The following OPCML variants were observed in gnomAD, a reference collection of about 807,000 sequenced individuals.
The protein encoded by OPCML is opioid binding protein/cell adhesion molecule like.
OPCML carries 13 observed loss-of-function variants against 37.8 expected under a neutral mutation model. That is an observed-to-expected ratio of 0.34 (90% CI 0.22 to 0.55). The LOEUF is 0.55. Ranked by LOEUF, OPCML falls within the 20% of genes least tolerant of loss-of-function variation. The pLI, the probability that OPCML is intolerant of heterozygous loss-of-function variation, is 0.91. For missense variants in OPCML, 341 were observed against 435.6 expected (o/e 0.78, Z 1.93); for synonymous variants, 176 against 168.8 (o/e 1.04, Z -0.33).
At chr11:132,700,520 C>T (rs1323763944) in intron 2 of OPCML, among the ~76,000 whole-genome samples, 1 of 151,974 alleles carries the variant, frequency 6.6e-6, no homozygotes, top group Non-Finnish European at 1.5e-5. Flanking sequence ...AAAAAATATC[C>T]TTTTGATTTC....
intron 2 of OPCML, among the ~76,000 whole-genome samples, chr11:132,901,481 A>T (rs1944060225): frequency 6.6e-6 from 1 of 152,230 alleles, no homozygotes; most frequent in Non-Finnish European, 1.5e-5. Context: ...CTTGTCATGT[A>T]ACAGACTCTC....
chr11:133,242,759 GGAT>G (rs1940776673), intron 1 of OPCML, among the ~76,000 whole-genome samples: 1 of 152,178 alleles, frequency 6.6e-6, no homozygotes, highest in Non-Finnish European at 1.5e-5. Context: ...GTCCATAACA[GGAT>G]TCCTGCTGCA....
At chr11:133,151,308 G>A (rs987844765) in intron 1 of OPCML, among the ~76,000 whole-genome samples, 3 of 151,428 alleles carry the variant, frequency 2.0e-5, no homozygotes, top group Non-Finnish European at 1.5e-5. Flanking sequence ...GAACCCCAGG[G>A]GAAAAAGAAA....
intron 2 of OPCML, among the ~76,000 whole-genome samples, chr11:132,803,358 G>T (rs575882262): frequency 6.6e-6 from 1 of 152,096 alleles, no homozygotes; most frequent in Non-Finnish European, 1.5e-5. Flanking sequence ...AATTTTAAAC[G>T]AGCTTCTTTT....
intron 2 of OPCML, among the ~76,000 whole-genome samples, chr11:132,806,445 A>C (rs939109828): frequency 5.9e-5 from 9 of 152,150 alleles, no homozygotes; most frequent in African/African-American, 2.2e-4. Flanking sequence ...AAGCATAAGA[A>C]AGTTGATGTG....
intron 2 of OPCML, among the ~76,000 whole-genome samples, chr11:132,770,279 G>A (rs546745468): frequency 1.3e-5 from 2 of 152,166 alleles, no homozygotes; most frequent in African/African-American, 2.4e-5. Context: ...AGTGTGTTTA[G>A]TTTTGTTATA....
intron 1 of OPCML, among the ~76,000 whole-genome samples, chr11:132,960,596 C>G (rs1316468854): frequency 6.6e-6 from 1 of 152,214 alleles, no homozygotes; most frequent in Non-Finnish European, 1.5e-5. Flanking sequence ...CTCCCCCTCT[C>G]CATCTGTCTG....
intron 1 of OPCML, among the ~76,000 whole-genome samples, chr11:133,356,248 G>A (rs550387365): frequency 6.6e-6 from 1 of 152,108 alleles, no homozygotes; most frequent in Non-Finnish European, 1.5e-5. Context: ...AAGTGCCCAG[G>A]TTGGAACATA....
rs982748020 is a variant in OPCML at position 132,719,145 on chromosome 11, C to T, written c.147-61826G>A. On this transcript the variant is annotated intron_variant, in intron 2 of 7. Transcript: ENST00000524381. ...ACTGACAGGCACTGGCTCTCTGGCC[C>T]GGGCGCGCCGTCCAGGAGGCGCGTG... is the stretch of plus-strand genomic sequence containing the variant. Among the ~76,000 whole-genome samples the T allele has an allele frequency of 7.9e-5, 12 of 152,314 alleles. 1 individual carries two copies. The Middle Eastern group carries it at 0.01, about 130-fold the overall frequency.
At chr11:133,284,992 A>G (rs1420599806) in intron 1 of OPCML, among the ~76,000 whole-genome samples, 1 of 152,124 alleles carries the variant, frequency 6.6e-6, no homozygotes, top group Non-Finnish European at 1.5e-5. Flanking sequence ...GTATGCTGCA[A>G]TTACTTACAA....
chr11:133,349,969 C>T lies in OPCML; in HGVS notation c.61+182295G>A, dbSNP rs1944093055. 2.6e-5 allele frequency among the ~76,000 whole-genome samples: 4 copies of T among 152,190 alleles called. No individual in the cohort carries two copies. In the South Asian group the frequency reaches 8.3e-4, roughly 32 times the overall value. ...ACTGGACACAGGTCAATGGTCTGTT[C>T]TGCTCAGCGTTGGAACAGATATGAA... is the stretch of plus-strand genomic sequence containing the variant. On this transcript the variant is annotated intron_variant, in intron 1 of 7. Transcript: ENST00000524381.
chr11:133,032,034 G>C (rs1565408116), intron 1 of OPCML, among the ~76,000 whole-genome samples: 1 of 152,280 alleles, frequency 6.6e-6, no homozygotes, highest in East Asian at 1.9e-4. Context: ...TACACTCTCT[G>C]TTCAAAATCA....
At chr11:133,012,062 C>A (rs550703357) in intron 1 of OPCML, among the ~76,000 whole-genome samples, 6 of 152,110 alleles carry the variant, frequency 3.9e-5, no homozygotes, top group Non-Finnish European at 7.3e-5. Flanking sequence ...AAAAATGGTT[C>A]TCTACTGGGG....
At chr11:133,002,534 G>A (rs1947024176) in intron 1 of OPCML, among the ~76,000 whole-genome samples, 1 of 152,196 alleles carries the variant, frequency 6.6e-6, no homozygotes, top group Non-Finnish European at 1.5e-5. Context: ...TAAGGAGGAT[G>A]ATGTTAGTTC....
intron 4 of OPCML, among the ~76,000 whole-genome samples, chr11:132,513,911 T>C (rs1406666919): frequency 1.3e-5 from 2 of 152,206 alleles, no homozygotes; most frequent in African/African-American, 2.4e-5. Context: ...TAATTTTATT[T>C]ATTCTTCTGT....
chr11:132,607,929 C>A (rs1591617824), intron 3 of OPCML, among the ~76,000 whole-genome samples: 1 of 152,066 alleles, frequency 6.6e-6, no homozygotes, highest in African/African-American at 2.4e-5. Context: ...GAAATAAGAG[C>A]AAGTGTTTGC....
intron 1 of OPCML, among the ~76,000 whole-genome samples, chr11:133,188,279 G>A (rs1338315321): frequency 6.6e-6 from 1 of 152,164 alleles, no homozygotes; most frequent in Non-Finnish European, 1.5e-5. Flanking sequence ...TCCAGGAGGG[G>A]GACTGTATCT....
At chr11:133,254,709 G>C (rs1456817425) in intron 1 of OPCML, among the ~76,000 whole-genome samples, 1 of 152,152 alleles carries the variant, frequency 6.6e-6, no homozygotes, top group Non-Finnish European at 1.5e-5. Context: ...AAGATAAATG[G>C]ACAGCTTTAA....
At chr11:133,100,565 C>T (rs1949071059) in intron 1 of OPCML, among the ~76,000 whole-genome samples, 1 of 152,176 alleles carries the variant, frequency 6.6e-6, no homozygotes, top group African/African-American at 2.4e-5. Context: ...GACTTCAAGA[C>T]TTACTACGAA....
Sources: allele counts gnomAD v4.1 joint callset (sites outside exome capture counted in the v4.1 genomes callset), GRCh38; gene constraint gnomAD v4.1.1; transcripts MANE v1.5; gene names NCBI Gene and HGNC (gene_info 2026-07-23, HGNC 2026-07-21).